Variants in DLG2 observed in about 807,000 individuals in gnomAD.
The protein encoded by DLG2 is discs large MAGUK scaffold protein 2.
In DLG2, 45 loss-of-function variants were observed where a neutral mutation model predicts 132.5. The ratio of observed to expected loss-of-function variants is 0.34; its 90% CI spans 0.27 to 0.44. The LOEUF (loss-of-function observed/expected upper bound fraction) is 0.44, where lower values mean the gene tolerates loss of function less well. DLG2 is among the 20% of genes least tolerant of loss of function. The probability of loss-of-function intolerance (pLI) is 1.00; values close to 1 mark genes in which losing one functional copy is unlikely to be tolerated. For synonymous variants in DLG2, 424 were observed against 419.6 expected, an observed-to-expected ratio of 1.01 and a Z score of -0.13; for missense variants, 1,045 against 1,196.9, an observed-to-expected ratio of 0.87 and a Z score of 1.87.
chr11:84,505,623 G>A lies in DLG2; in HGVS notation c.519+28947C>T, dbSNP rs867956261. On this transcript the variant is annotated intron_variant, in intron 7 of 27. Transcript: ENST00000376104. ...CATCTGCCTTATAGAATTATTGAAGGAATTAAATGTGATAAGATGTTTCTA... is the reference window on the plus strand; with the variant it reads ...CATCTGCCTTATAGAATTATTGAAGAAATTAAATGTGATAAGATGTTTCTA... 2.0e-5 allele frequency among the ~76,000 whole-genome samples: 3 copies of A among 151,964 alleles called. No individual in the cohort carries two copies. The South Asian group carries it at 6.2e-4, about 32-fold the overall frequency.
At chr11:83,927,488 G>A (rs766247296) in intron 15 of DLG2, among the ~76,000 whole-genome samples, 15 of 152,160 alleles carry the variant, frequency 9.9e-5, no homozygotes, top group South Asian at 8.3e-4. Context: ...CCAATTCCAG[G>A]GAAAAGCATA....
intron 7 of DLG2, among the ~76,000 whole-genome samples, chr11:84,470,666 C>A (rs1015554014): frequency 6.6e-6 from 1 of 151,694 alleles, no homozygotes; most frequent in African/African-American, 2.4e-5. Context: ...ACCATTCTCC[C>A]TGGCAGAGGT....
chr11:84,828,564 G>T (rs1407246090), intron 6 of DLG2, among the ~76,000 whole-genome samples: 1 of 151,692 alleles, frequency 6.6e-6, no homozygotes, highest in Non-Finnish European at 1.5e-5. Flanking sequence ...TTACTCTCTT[G>T]TTACCACCTA....
chr11:84,420,862 G>C (rs895613536), intron 7 of DLG2, among the ~76,000 whole-genome samples: 1 of 151,096 alleles, frequency 6.6e-6, no homozygotes, highest in Admixed American at 6.6e-5. Context: ...TAGAGACGGG[G>C]TTTCACCGTT....
At chr11:84,638,148 C>G (rs1483577895) in intron 6 of DLG2, among the ~76,000 whole-genome samples, 3 of 152,082 alleles carry the variant, frequency 2.0e-5, no homozygotes, top group Non-Finnish European at 4.4e-5. Flanking sequence ...GAAATCTTGC[C>G]AGATTGCAAA....
At chr11:85,083,050 T>C (rs886534091) in intron 6 of DLG2, among the ~76,000 whole-genome samples, 2 of 152,056 alleles carry the variant, frequency 1.3e-5, no homozygotes, top group African/African-American at 4.8e-5. Context: ...CTGTCTACCA[T>C]CTCAGTAGCA....
intron 6 of DLG2, among the ~76,000 whole-genome samples, chr11:84,862,889 A>G (rs2083975454): frequency 6.6e-6 from 1 of 151,238 alleles, no homozygotes; most frequent in Admixed American, 6.6e-5. Flanking sequence ...ACGGGTTGAC[A>G]GGTGCAGCAA....
chr11:83,664,755 T>G (rs2075149759), intron 18 of DLG2, among the ~76,000 whole-genome samples: 1 of 152,202 alleles, frequency 6.6e-6, no homozygotes. Context: ...TCATTTTACC[T>G]TTGAAAAGCT....
intron 3 of DLG2, among the ~76,000 whole-genome samples, chr11:85,441,880 G>T (rs998741263): frequency 6.6e-6 from 1 of 151,862 alleles, no homozygotes; most frequent in African/African-American, 2.4e-5. Flanking sequence ...ATAATAAATA[G>T]TAATATGATA....
At chr11:83,695,600 A>C (rs2081767247) in intron 18 of DLG2, among the ~76,000 whole-genome samples, 1 of 152,080 alleles carries the variant, frequency 6.6e-6, no homozygotes, top group Non-Finnish European at 1.5e-5. Context: ...TTAGCTAGGC[A>C]TGGTGGTGGG....
chr11:85,387,541 G>A (rs963022754), intron 3 of DLG2, among the ~76,000 whole-genome samples: 6 of 152,202 alleles, frequency 3.9e-5, no homozygotes, highest in Non-Finnish European at 8.8e-5. Context: ...AGCCATGTCA[G>A]CTGACAAATG....
chr11:83,795,724 G>A (rs1168341922), intron 17 of DLG2, among the ~76,000 whole-genome samples: 2 of 152,144 alleles, frequency 1.3e-5, no homozygotes, highest in East Asian at 1.9e-4. Flanking sequence ...TTGAATAAAT[G>A]ATGATTCTCT....
chr11:84,850,796 T>C (rs1447060967), intron 6 of DLG2, among the ~76,000 whole-genome samples: 1 of 152,094 alleles, frequency 6.6e-6, no homozygotes, highest in African/African-American at 2.4e-5. Context: ...TTATTTTTAA[T>C]TACATAGAAA....
intron 11 of DLG2, among the ~76,000 whole-genome samples, chr11:84,028,247 A>C (rs1310427078): frequency 6.6e-6 from 1 of 152,094 alleles, no homozygotes; most frequent in African/African-American, 2.4e-5. Flanking sequence ...ACAAATATAG[A>C]GTCATGATTT....
At chr11:85,587,992 T>C (rs956417469) in intron 3 of DLG2, among the ~76,000 whole-genome samples, 3 of 152,180 alleles carry the variant, frequency 2.0e-5, no homozygotes, top group Non-Finnish European at 4.4e-5. Flanking sequence ...TTGGCTGAAA[T>C]ATACTGTGTT....
At chr11:83,875,646 A>G (rs773585067) in intron 15 of DLG2, among the ~76,000 whole-genome samples, 1 of 152,206 alleles carries the variant, frequency 6.6e-6, no homozygotes, top group African/African-American at 2.4e-5. Context: ...AGTTTATAGT[A>G]TTAGTTAAAT....
intron 7 of DLG2, among the ~76,000 whole-genome samples, chr11:84,494,554 G>C (rs1210181866): frequency 6.6e-6 from 1 of 152,178 alleles, no homozygotes; most frequent in East Asian, 1.9e-4. Context: ...GTCAGGTAGT[G>C]GGCTGTAGCC....
intron 6 of DLG2, among the ~76,000 whole-genome samples, chr11:84,625,391 G>T (rs558528693): frequency 3.3e-5 from 5 of 152,190 alleles, no homozygotes; most frequent in East Asian, 3.9e-4. Flanking sequence ...AGCTGCTTCC[G>T]CATTACTTAT....
chr11:83,667,855 G>A (rs1057223011), intron 18 of DLG2, among the ~76,000 whole-genome samples: 2 of 150,956 alleles, frequency 1.3e-5, no homozygotes, highest in African/African-American at 2.4e-5. Context: ...GCAGGCGCCT[G>A]TAGTCCCAGC....
Sources: allele counts gnomAD v4.1 joint callset (sites outside exome capture counted in the v4.1 genomes callset), GRCh38; gene constraint gnomAD v4.1.1; transcripts MANE v1.5; gene names NCBI Gene and HGNC (gene_info 2026-07-23, HGNC 2026-07-21).